Variants in SPRED2 observed in about 807,000 individuals in gnomAD.
SPRED2 encodes the protein sprouty related EVH1 domain containing 2, also known as sprouty-related, EVH1 domain-containing protein 2.
SPRED2 carries 47 observed loss-of-function variants against 43.0 expected under a neutral mutation model. The ratio of observed to expected loss-of-function variants is 1.09; its 90% CI spans 0.87 to 1.40. The LOEUF is 1.40. Ranked by LOEUF, SPRED2 falls within the 40% of genes most tolerant of loss-of-function variation. SPRED2 has a pLI of 0.00. For missense variants in SPRED2, 561 were observed against 586.4 expected (o/e 0.96, Z 0.45); for synonymous variants, 225 against 225.7 (o/e 1.00, Z 0.03).
At chr2:65,317,485 C>T (rs1371360121) in intron 4 of SPRED2, among the ~76,000 whole-genome samples, 6 of 151,918 alleles carry the variant, frequency 3.9e-5, no homozygotes, top group African/African-American at 1.5e-4. Context: ...TGTACTCCAG[C>T]CTGGGTGACA....
At position 65,312,999 on chromosome 2, in the gene SPRED2, G is replaced by A; in HGVS notation, c.*502C>T. 2 of 986,000 alleles carry A rather than the reference G, an allele frequency of 2.0e-6. No homozygotes were observed. Among genetic ancestry groups the A allele is most frequent in the Non-Finnish European group, 2.4e-6 (2 of 830,362 alleles). The allele number at this position is 986,000 out of a possible 1,614,324, so 61.1% of individuals were successfully genotyped here. A position where few individuals can be genotyped will look rare whatever the true frequency, so the allele number is the denominator to read the frequency against. ...ACTGCAGGCTGAGATACTTCTGTCG[G>A]GTTTCATCATTCTCACATCCCATTT... On this transcript the variant is annotated 3_prime_UTR_variant, in exon 6 of 6. Coordinates refer to ENST00000356388, the MANE Select transcript of SPRED2 (RefSeq NM_181784.3).
intron 1 of SPRED2, among the ~76,000 whole-genome samples, chr2:65,345,563 C>A (rs928751347): frequency 1.9e-4 from 29 of 152,102 alleles, no homozygotes; most frequent in Non-Finnish European, 3.7e-4. Context: ...GCCCAGACTA[C>A]AAACCTATTA....
Position 65,312,794 on chromosome 2 carries a change from T to G in SPRED2, c.*707A>C. 1.0e-6 allele frequency: 1 copy of G among 985,842 alleles called. No individual in the cohort carries two copies. The highest frequency in any genetic ancestry group is 1.2e-6 in the Non-Finnish European group (1 of 829,936). The allele number at this position is 985,842 out of a possible 1,614,324, so 61.1% of individuals were successfully genotyped here. ...AGTTAAGGCTCAATTCTCAGTCTAT[T>G]ACGGGTGAATGTTTTGCATCAGTGA... On this transcript the variant is annotated 3_prime_UTR_variant, in exon 6 of 6. Coordinates refer to ENST00000356388, the MANE Select transcript of SPRED2 (RefSeq NM_181784.3).
intron 4 of SPRED2, among the ~76,000 whole-genome samples, chr2:65,328,112 C>T (rs1217865707): frequency 6.6e-6 from 1 of 152,164 alleles, no homozygotes; most frequent in Non-Finnish European, 1.5e-5. Context: ...TTTTACTTGT[C>T]ACCCCTTCCC....
intron 2 of SPRED2, among the ~76,000 whole-genome samples, chr2:65,340,320 T>G (rs1241852999): frequency 6.6e-6 from 1 of 152,208 alleles, no homozygotes; most frequent in Non-Finnish European, 1.5e-5. Flanking sequence ...AGTCTTTTTC[T>G]AAAGGATAGT....
At chr2:65,379,785 A>G (rs1289037303) in intron 1 of SPRED2, among the ~76,000 whole-genome samples, 1 of 152,174 alleles carries the variant, frequency 6.6e-6, no homozygotes, top group African/African-American at 2.4e-5. Flanking sequence ...TCTAAGAGAT[A>G]CTTTAGGATA....
At chr2:65,349,501 T>A in intron 1 of SPRED2, among the ~76,000 whole-genome samples, 1 of 152,170 alleles carries the variant, frequency 6.6e-6, no homozygotes, top group East Asian at 1.9e-4. Context: ...CTTCTATAAG[T>A]ATACTATGGG....
At position 65,363,893 on chromosome 2, in the gene SPRED2, A is replaced by G. The variant is rs561032434; in HGVS notation, c.27-18997T>C. ...AGTAAGTGCTAAAAATCTGCAAGCC[A>G]GCAAAGATTGGGAAAAATTGTTCCA... On this transcript the variant is annotated intron_variant, in intron 1 of 5. Coordinates refer to ENST00000356388, the MANE Select transcript of SPRED2 (RefSeq NM_181784.3). Among the ~76,000 whole-genome samples the G allele has an allele frequency of 1.4e-3, 216 of 152,368 alleles. 3 individuals carry two copies. Among genetic ancestry groups the G allele is most frequent in the African/African-American group, 5.0e-3 (210 of 41,594 alleles).
rs1041634551 is a variant in SPRED2, at chr2:65,310,984, A to G, written c.*2517T>C. The G allele has an allele frequency of 7.1e-6, 7 of 981,850 alleles. No individual in the cohort carries two copies. In the African/African-American group the frequency reaches 8.7e-5, roughly 12 times the overall value. The allele number at this position is 981,850 out of a possible 1,614,324, so 60.8% of individuals were successfully genotyped here. On this transcript the variant is annotated 3_prime_UTR_variant, in exon 6 of 6. Transcript: ENST00000356388. ...ACACTTGTATATATATTTTTTACAC[A>G]GAGGTAAAAAGGCTTATTATAAAAA...
At chr2:65,346,253 A>T (rs768617483) in intron 1 of SPRED2, among the ~76,000 whole-genome samples, 6 of 150,296 alleles carry the variant, frequency 4.0e-5, no homozygotes, top group Admixed American at 6.6e-5. Context: ...CACCCAACTG[A>T]TCTCCCTTGG....
chr2:65,324,858 C>T (rs907978831), intron 4 of SPRED2, among the ~76,000 whole-genome samples: 2 of 152,224 alleles, frequency 1.3e-5, no homozygotes, highest in African/African-American at 2.4e-5. Context: ...TCAACGTTCA[C>T]ATTTCGCAGG....
At chr2:65,428,917 T>A (rs1248574380) in intron 1 of SPRED2, among the ~76,000 whole-genome samples, 1 of 152,232 alleles carries the variant, frequency 6.6e-6, no homozygotes, top group Non-Finnish European at 1.5e-5. Context: ...CTTACAATAG[T>A]TTGCTGATGC....
At chr2:65,402,303 A>AAAAC (rs1558685958) in intron 1 of SPRED2, among the ~76,000 whole-genome samples, 2 of 135,568 alleles carry the variant, frequency 1.5e-5, no homozygotes, top group African/African-American at 2.5e-5. Flanking sequence ...AAAAAAAAAA[A>AAAAC]AACCAAAAAC....
downstream of SPRED2, chr2:65,310,748 G>A (rs184918658): frequency 2.7e-5 from 12 of 452,298 alleles, no homozygotes; most frequent in Admixed American, 5.8e-4. Context: ...CATGTCCTTC[G>A]GCACAGGAAG....
At chr2:65,399,383 CTTTTTTT>C (rs34672484) in intron 1 of SPRED2, among the ~76,000 whole-genome samples, 17 of 125,386 alleles carry the variant, frequency 1.4e-4, no homozygotes, top group Non-Finnish European at 2.0e-4. Flanking sequence ...AACTATTATT[CTTTTTTT>C]TTTTTTTTTT....
At position 65,312,168 on chromosome 2, in the gene SPRED2, C is replaced by T. The variant is rs112519437; in HGVS notation, c.*1333G>A. 1.6e-4 allele frequency: 156 copies of T among 985,566 alleles called. No homozygotes were observed. Among genetic ancestry groups the T allele is most frequent in the Admixed American group, 1.8e-4 (3 of 16,262 alleles). 61.1% of individuals were successfully genotyped at this position (985,566 alleles called of 1,614,324 possible). A position where few individuals can be genotyped will look rare whatever the true frequency, so the allele number is the denominator to read the frequency against. ...TTTTCCAGCTAATTAGAAGCCTCCT[C>T]CGTGGCAAGGCGACAGGCAGAACCA... On this transcript the variant is annotated 3_prime_UTR_variant, in exon 6 of 6. Transcript: ENST00000356388.
intron 2 of SPRED2, among the ~76,000 whole-genome samples, chr2:65,340,979 G>A (rs565878837): frequency 6.6e-6 from 1 of 151,148 alleles, no homozygotes; most frequent in East Asian, 2.0e-4. Context: ...GTGGGCACTA[G>A]CATTGCATTA....
chr2:65,387,649 A>G (rs757979687), intron 1 of SPRED2, among the ~76,000 whole-genome samples: 1 of 152,350 alleles, frequency 6.6e-6, no homozygotes, highest in African/African-American at 2.4e-5. Flanking sequence ...AAACAAATTT[A>G]AAAATTTAAA....
chr2:65,373,821 T>A (rs1675181473), intron 1 of SPRED2: 1 of 152,240 alleles, frequency 6.6e-6, no homozygotes. Context: ...AAACACAGAT[T>A]ATCTTTTATT....
Sources: allele counts gnomAD v4.1 joint callset (sites outside exome capture counted in the v4.1 genomes callset), GRCh38; gene constraint gnomAD v4.1.1; transcripts MANE v1.5; gene names NCBI Gene and HGNC (gene_info 2026-07-23, HGNC 2026-07-21).